The following MRTFB variants were observed in gnomAD, a reference collection of about 807,000 sequenced individuals.
MRTFB encodes the protein myocardin-related transcription factor B.
In MRTFB, 29 loss-of-function variants were observed where a neutral mutation model predicts 104.2. The ratio of observed to expected loss-of-function variants is 0.28; its 90% CI spans 0.21 to 0.38. The LOEUF (loss-of-function observed/expected upper bound fraction) is 0.38. Ranked by LOEUF, MRTFB falls within the 10% of genes least tolerant of loss-of-function variation. The pLI, the probability that MRTFB is intolerant of heterozygous loss-of-function variation, is 1.00. For synonymous variants in MRTFB, 535 were observed against 519.5 expected (o/e 1.03, Z -0.41); for missense variants, 1,270 against 1,341.6 (o/e 0.95, Z 0.83).
intron 10 of MRTFB, among the ~76,000 whole-genome samples, chr16:14,242,475 G>A (rs536483321): frequency 6.6e-6 from 1 of 152,110 alleles, no homozygotes; most frequent in Non-Finnish European, 1.5e-5. Flanking sequence ...AAAAATGGAG[G>A]CCTTGTTTCC....
intron 2 of MRTFB, among the ~76,000 whole-genome samples, chr16:14,091,840 C>G (rs1337475493): frequency 6.6e-6 from 1 of 151,756 alleles, no homozygotes; most frequent in Non-Finnish European, 1.5e-5. Flanking sequence ...ACTAAAAATA[C>G]AAAAATTAGC....
chr16:14,031,401 A>AT, the MRTFB span, among the ~76,000 whole-genome samples: 2,624 of 152,198 alleles, frequency 0.017, 46 homozygotes, highest in Middle Eastern at 0.037. Flanking sequence ...CAAAAAAAAA[A>AT]AAAAAAGAAT....
intron 1 of MRTFB, among the ~76,000 whole-genome samples, chr16:14,071,576 C>A (rs1286483484): frequency 1.3e-5 from 2 of 151,922 alleles, no homozygotes; most frequent in African/African-American, 2.4e-5. Context: ...CCGGTGCCTC[C>A]TTCAACCGGT....
chr16:14,018,454 A>G, the MRTFB span, among the ~76,000 whole-genome samples: 2 of 152,336 alleles, frequency 1.3e-5, no homozygotes, highest in South Asian at 2.1e-4. Flanking sequence ...CACTGAGCTC[A>G]TTAATTCTAG....
intron 2 of MRTFB, among the ~76,000 whole-genome samples, chr16:14,132,119 T>C (rs1191200694): frequency 6.6e-6 from 1 of 152,152 alleles, no homozygotes; most frequent in African/African-American, 2.4e-5. Context: ...ATATTGATAA[T>C]TGGACAGTAT....
At chr16:14,136,873 T>C (rs756435881) in intron 2 of MRTFB, among the ~76,000 whole-genome samples, 16 of 152,244 alleles carry the variant, frequency 1.1e-4, no homozygotes, top group Non-Finnish European at 2.4e-4. Flanking sequence ...GCTGTATTTT[T>C]ACTTAATGCT....
chr16:14,207,549 T>G (rs1158293750), intron 3 of MRTFB, among the ~76,000 whole-genome samples: 1 of 151,902 alleles, frequency 6.6e-6, no homozygotes, highest in African/African-American at 2.4e-5. Context: ...CTCTCTGGAG[T>G]GATGAGAGTG....
At chr16:14,250,725 A>AG (rs2043218391) in intron 13 of MRTFB, among the ~76,000 whole-genome samples, 1 of 152,140 alleles carries the variant, frequency 6.6e-6, no homozygotes, top group Non-Finnish European at 1.5e-5. Context: ...ACGTTGTGGC[A>AG]GGGGGTCTAT....
At chr16:14,243,694 C>G (rs1001693889) in intron 10 of MRTFB, among the ~76,000 whole-genome samples, 4 of 151,534 alleles carry the variant, frequency 2.6e-5, no homozygotes, top group Admixed American at 2.6e-4. Flanking sequence ...GTATAACTTA[C>G]ACACAGAAAA....
At chr16:14,142,099 A>G (rs2142601238) in intron 3 of MRTFB, 1 of 152,166 alleles carries the variant, frequency 6.6e-6, no homozygotes, top group Admixed American at 6.5e-5. Flanking sequence ...TCGACCTCCC[A>G]AAGTGCTGGG....
At chr16:14,254,710 A>T (rs558600132) in intron 15 of MRTFB, among the ~76,000 whole-genome samples, 2 of 152,392 alleles carry the variant, frequency 1.3e-5, no homozygotes, top group East Asian at 3.9e-4. Context: ...AAACAATAGA[A>T]ACCATTCATC....
the MRTFB span, among the ~76,000 whole-genome samples, chr16:14,043,447 G>A: frequency 1.3e-5 from 2 of 152,032 alleles, no homozygotes; most frequent in Non-Finnish European, 2.9e-5. Context: ...CTGTGGTCCT[G>A]TGTCTGGCAT....
the MRTFB span, among the ~76,000 whole-genome samples, chr16:14,028,170 C>T: frequency 6.9e-6 from 1 of 144,470 alleles, no homozygotes; most frequent in Non-Finnish European, 1.5e-5. Context: ...GAATGAGACT[C>T]CATCTCAAAA....
At chr16:14,074,784 C>A (rs933789603) in intron 1 of MRTFB, among the ~76,000 whole-genome samples, 11 of 152,284 alleles carry the variant, frequency 7.2e-5, no homozygotes, top group Admixed American at 7.2e-4. Flanking sequence ...CTGGACCCTT[C>A]CATTTAAACT....
At position 14,106,983 on chromosome 16, in the gene MRTFB, C is replaced by T. The variant is rs28485830; in HGVS notation, c.-64+27629C>T. ...GCTTGTGTGGCCCATTTACTGTTTTCCAGGAGGTCTAGGCGTAGGTTACCA... is the reference window on the plus strand; with the variant it reads ...GCTTGTGTGGCCCATTTACTGTTTTTCAGGAGGTCTAGGCGTAGGTTACCA... On this transcript the variant is annotated intron_variant, in intron 2 of 16. Coordinates refer to ENST00000571589, the MANE Select transcript of MRTFB (RefSeq NM_001308142.2). Among the ~76,000 whole-genome samples, 3 of 152,176 alleles carry T rather than the reference C, an allele frequency of 2.0e-5. No homozygotes were observed. The East Asian group carries it at 5.8e-4, about 29-fold the overall frequency.
the MRTFB span, among the ~76,000 whole-genome samples, chr16:14,059,092 C>T: frequency 0.083 from 12,666 of 151,954 alleles, 1,009 homozygotes; most frequent in African/African-American, 0.21. Context: ...TTTTTATTTG[C>T]CACATAATAA....
Position 14,145,787 on chromosome 16 carries a change from A to G in MRTFB, c.154+5027A>G, listed in dbSNP as rs1319487148. Among the ~76,000 whole-genome samples the G allele has an allele frequency of 5.3e-5, 8 of 152,366 alleles. 1 individual carries two copies. The East Asian group carries it at 1.5e-3, about 29-fold the overall frequency. The stretch of plus-strand genomic sequence containing the variant: ...TAGATCCATCTTTCTCACGATTTGC[A>G]TTCCTTCACATGAGCAGACTGGGAA... On this transcript the variant is annotated intron_variant, in intron 3 of 16. Coordinates refer to ENST00000571589, the MANE Select transcript of MRTFB (RefSeq NM_001308142.2).
At chr16:14,010,803 G>A in the MRTFB span, among the ~76,000 whole-genome samples, 1 of 152,222 alleles carries the variant, frequency 6.6e-6, no homozygotes, top group Admixed American at 6.5e-5. Context: ...TGTAAATTAA[G>A]TAAAATTAAA....
At chr16:14,160,658 A>G (rs2038994447) in intron 3 of MRTFB, among the ~76,000 whole-genome samples, 2 of 151,966 alleles carry the variant, frequency 1.3e-5, no homozygotes, top group Admixed American at 6.5e-5. Context: ...TTCTGACATT[A>G]GTTCTCTATT....
Sources: allele counts gnomAD v4.1 joint callset (sites outside exome capture counted in the v4.1 genomes callset), GRCh38; gene constraint gnomAD v4.1.1; transcripts MANE v1.5; gene names NCBI Gene and HGNC (gene_info 2026-07-23, HGNC 2026-07-21).